SMAD3: variants seen among roughly 807,000 people sequenced by gnomAD.
SMAD3 encodes SMAD family member 3.
In SMAD3, 12 loss-of-function variants were observed where a neutral mutation model predicts 51.8. The ratio of observed to expected loss-of-function variants is 0.23; its 90% confidence interval spans 0.15 to 0.38. The LOEUF (loss-of-function observed/expected upper bound fraction) is 0.38. Ranked by LOEUF, SMAD3 falls within the 10% of genes least tolerant of loss-of-function variation. The pLI, the probability that SMAD3 is intolerant of heterozygous loss-of-function variation, is 1.00. For missense variants in SMAD3, 294 were observed against 565.6 expected, an observed-to-expected ratio of 0.52 and a Z score of 4.87; for synonymous variants, 238 against 227.7, an observed-to-expected ratio of 1.05 and a Z score of -0.41.
chr15:67,067,966 C>T (rs1214023049), intron 1 of SMAD3, among the ~76,000 whole-genome samples: 2 of 152,098 alleles, frequency 1.3e-5, no homozygotes, highest in Non-Finnish European at 2.9e-5. Flanking sequence ...CTACCTTCTC[C>T]TTATCTGCCT....
intron 1 of SMAD3, among the ~76,000 whole-genome samples, chr15:67,140,338 G>C (rs2414937): frequency 0.21 from 32,529 of 152,116 alleles, 3,559 homozygotes; most frequent in East Asian, 0.36. Flanking sequence ...TTGGTTTCAG[G>C]CAAGAGAAAT....
chr15:67,076,740 T>A (rs7168487), intron 1 of SMAD3, among the ~76,000 whole-genome samples: 2,653 of 152,328 alleles, frequency 0.017, 77 homozygotes, highest in African/African-American at 0.061. Flanking sequence ...TTCCAGATCA[T>A]GCTCAGAGGC....
At chr15:67,087,518 T>C (rs979886941) in intron 1 of SMAD3, among the ~76,000 whole-genome samples, 2 of 152,206 alleles carry the variant, frequency 1.3e-5, no homozygotes, top group African/African-American at 4.8e-5. Context: ...ATTTCAGGTA[T>C]GGATGGGAGT....
In SMAD3 at chr15:67,180,264, G is replaced by A. The variant is rs545199479; in HGVS notation, c.659-977G>A. Among the ~76,000 whole-genome samples, 4 of 152,194 alleles carry A rather than the reference G, an allele frequency of 2.6e-5. No homozygotes were observed. In the South Asian group the frequency reaches 8.3e-4, roughly 32 times the overall value. On this transcript the variant is annotated intron_variant, in intron 5 of 8. Coordinates refer to ENST00000327367, the MANE Select transcript of SMAD3 (RefSeq NM_005902.4). ...GGCCCGGCCAAGGGCTGAGAGAATG[G>A]GCCTGGAGATGCTGCAGAGGCGTGC... is the stretch of plus-strand genomic sequence containing the variant.
intron 7 of SMAD3, among the ~76,000 whole-genome samples, chr15:67,185,422 G>A (rs1963198393): frequency 6.6e-6 from 1 of 152,194 alleles, no homozygotes; most frequent in African/African-American, 2.4e-5. Context: ...CTAGGCACAG[G>A]GAGGGCATTC....
intron 1 of SMAD3, among the ~76,000 whole-genome samples, chr15:67,126,425 A>G (rs1961389483): frequency 6.6e-6 from 1 of 151,970 alleles, no homozygotes; most frequent in Non-Finnish European, 1.5e-5. Flanking sequence ...CTCTCCCTAG[A>G]TTTCTAATGG....
chr15:67,131,350 C>T (rs1473420636), intron 1 of SMAD3, among the ~76,000 whole-genome samples: 1 of 152,192 alleles, frequency 6.6e-6, no homozygotes, highest in East Asian at 1.9e-4. Flanking sequence ...CTCTTTCTGT[C>T]TGTTTTGCCA....
At chr15:67,098,565 C>T (rs1303123419) in intron 1 of SMAD3, 1 of 369,604 alleles carries the variant, frequency 2.7e-6, no homozygotes, top group African/African-American at 2.0e-5. Flanking sequence ...CTGTCACTCC[C>T]TGGCGAACAG....
chr15:67,138,305 C>CT (rs1961721588), intron 1 of SMAD3: 2 of 531,996 alleles, frequency 3.8e-6, no homozygotes. Context: ...GGGCCCTCTG[C>CT]CTGGTTCTGG....
At chr15:67,095,594 T>C (rs1022430408) in intron 1 of SMAD3, among the ~76,000 whole-genome samples, 4 of 152,042 alleles carry the variant, frequency 2.6e-5, no homozygotes, top group African/African-American at 9.7e-5. Context: ...GTGCAATGGC[T>C]CAATATCGGC....
rs1962776618 is a variant in SMAD3 at position 67,172,389 on chromosome 15, G to A, written c.658+1785G>A. ...GAGTCGCCCAGTGAGTCAGGGTTAG[G>A]CTTCTGGGTAAGACACCGTGCTGAC... is the stretch of plus-strand genomic sequence containing the variant. On this transcript the variant is annotated intron_variant, in intron 5 of 8. Transcript: ENST00000327367. 2.0e-5 allele frequency among the ~76,000 whole-genome samples: 3 copies of A among 152,218 alleles called. No homozygotes were observed. In the South Asian group the frequency reaches 6.2e-4, roughly 31 times the overall value.
rs369712170 is a variant in SMAD3, at chr15:67,175,658, C to T, written c.658+5054C>T. The stretch of plus-strand genomic sequence containing the variant: ...AGGTGTGAATCGGGGGCAAGTTGCC[C>T]CGTGAGTCAGGGTTAGGATTCTGGG... On this transcript the variant is annotated intron_variant, in intron 5 of 8. Transcript: ENST00000327367. Among the ~76,000 whole-genome samples, 9 of 152,330 alleles carry T rather than the reference C, an allele frequency of 5.9e-5. 1 individual carries two copies. The highest frequency in any genetic ancestry group is 6.5e-5 in the Admixed American group (1 of 15,306).
chr15:67,165,476 C>A, intron 3 of SMAD3, 92 bp downstream of exon 3: 1 of 1,459,030 alleles, frequency 6.9e-7, no homozygotes, highest in Non-Finnish European at 9.4e-7. Context: ...TGCCCCCTGG[C>A]CGTCCCCCGC....
At chr15:67,187,331 C>A in intron 7 of SMAD3, 34 bp from the exon 8 acceptor site, 1 of 1,614,076 alleles carries the variant, frequency 6.2e-7, no homozygotes, top group African/African-American at 1.3e-5. Flanking sequence ...TGGCCACTTC[C>A]ATCCCCACAG....
intron 8 of SMAD3, 99 bp downstream of exon 8, chr15:67,187,608 A>G (rs1963255924): frequency 6.9e-7 from 1 of 1,453,352 alleles, no homozygotes; most frequent in South Asian, 1.1e-5. Context: ...GGCCAGCCCT[A>G]GCGTCAAGAG....
chr15:67,093,505 G>A (rs1266301653), intron 1 of SMAD3, among the ~76,000 whole-genome samples: 1 of 152,210 alleles, frequency 6.6e-6, no homozygotes, highest in African/African-American at 2.4e-5. Context: ...GCAAGCTAGG[G>A]TCGTCTGTGC....
At chr15:67,157,458 T>C (rs1595935901) in intron 1 of SMAD3, among the ~76,000 whole-genome samples, 1 of 152,254 alleles carries the variant, frequency 6.6e-6, no homozygotes, top group Non-Finnish European at 1.5e-5. Context: ...TTATATGACC[T>C]TGGGCAAGCC....
intron 1 of SMAD3, among the ~76,000 whole-genome samples, chr15:67,119,889 C>T (rs1417515440): frequency 6.6e-6 from 1 of 152,160 alleles, no homozygotes; most frequent in Non-Finnish European, 1.5e-5. Context: ...CTTGACCTCC[C>T]AGGCTCAAGC....
intron 1 of SMAD3, among the ~76,000 whole-genome samples, chr15:67,163,841 A>G (rs1360010274): frequency 2.0e-5 from 3 of 148,860 alleles, no homozygotes; most frequent in Non-Finnish European, 4.4e-5. Context: ...TGGGAAGCTG[A>G]GCTGGGAGGA....
Sources: allele counts gnomAD v4.1 joint callset (sites outside exome capture counted in the v4.1 genomes callset), GRCh38; gene constraint gnomAD v4.1.1; transcripts MANE v1.5; gene names NCBI Gene and HGNC (gene_info 2026-07-23, HGNC 2026-07-21).